The following SP110 variants were observed in gnomAD, a reference collection of about 807,000 sequenced individuals.
SP110 encodes SP110 nuclear body protein.
SP110 carries 62 observed loss-of-function variants against 92.7 expected under a neutral mutation model. The observed-to-expected ratio is 0.67, with a 90% CI of 0.55 to 0.83. SP110 has a LOEUF of 0.83. Ranked by LOEUF, SP110 falls within the 40% of genes least tolerant of loss-of-function variation. SP110 has a pLI of 0.00. For synonymous variants in SP110, 273 were observed against 305.3 expected (o/e 0.89, Z 1.10); for missense variants, 793 against 863.9 (o/e 0.92, Z 1.03).
chr2:230,222,603 G>C (rs1489171437), upstream of SP110, among the ~76,000 whole-genome samples: 1 of 151,756 alleles, frequency 6.6e-6, no homozygotes, highest in Non-Finnish European at 1.5e-5. Context: ...ATACACCTGT[G>C]GTCCCCGCTA....
At chr2:230,189,730 T>C (rs2042523135) in intron 10 of SP110, among the ~76,000 whole-genome samples, 2 of 152,128 alleles carry the variant, frequency 1.3e-5, no homozygotes, top group South Asian at 4.2e-4. Context: ...TGTGTGTTGT[T>C]CCCCTCTCTG....
intron 10 of SP110, among the ~76,000 whole-genome samples, chr2:230,198,838 T>C (rs1187993659): frequency 6.6e-6 from 1 of 152,140 alleles, no homozygotes; most frequent in Non-Finnish European, 1.5e-5. Flanking sequence ...CCTGAAGTGA[T>C]CCACCCACCT....
intron 14 of SP110, chr2:230,176,557 C>A: frequency 6.2e-7 from 1 of 1,605,626 alleles, no homozygotes; most frequent in Non-Finnish European, 8.5e-7. Context: ...TTTGAAGATG[C>A]CATGCCCAAA....
At chr2:230,206,582 T>C (rs2043832346) in intron 8 of SP110, among the ~76,000 whole-genome samples, 1 of 133,078 alleles carries the variant, frequency 7.5e-6, no homozygotes, top group Admixed American at 7.8e-5. Context: ...TTATATATTA[T>C]CTGGTCCAGA....
At position 230,170,774 on chromosome 2, in the gene SP110, G is replaced by T. The variant is rs1464348950; in HGVS notation, c.1888-13C>A. ...CGTAATCTCGAATCTTGGGGACAAA[G>T]CCACCAGAGGTGACGTTAGCACAGC... is the stretch of plus-strand genomic sequence containing the variant. On this transcript the variant is annotated splice_polypyrimidine_tract_variant and intron_variant, in intron 17 of 18. Transcript: ENST00000258381. 6.2e-7 allele frequency: 1 copy of T among 1,613,852 alleles called. No homozygotes were observed. The highest frequency in any genetic ancestry group is 8.5e-7 in the Non-Finnish European group (1 of 1,179,852).
At position 230,219,891 on chromosome 2, in the gene SP110, C is replaced by G; in HGVS notation, c.-19G>C. 1 of 984,480 alleles carries G rather than the reference C, an allele frequency of 1.0e-6. No homozygotes were observed. The highest frequency in any genetic ancestry group is 5.2e-4 in the Middle Eastern group (1 of 1,912). The allele number at this position is 984,480 out of a possible 1,614,324, so 61.0% of individuals were successfully genotyped here. On this transcript the variant is annotated 5_prime_UTR_variant, in exon 1 of 19. Coordinates refer to ENST00000258381, the MANE Select transcript of SP110 (RefSeq NM_080424.4). ...AAACTCACCTGGACTTTGAGTTTGT[C>G]GTTCCTGCCCCTTTCCAGGGGCTGG...
chr2:230,207,576 C>T (rs1268286827), intron 8 of SP110, among the ~76,000 whole-genome samples: 3 of 152,162 alleles, frequency 2.0e-5, no homozygotes, highest in Non-Finnish European at 2.9e-5. Flanking sequence ...TGCATCTTCC[C>T]TCAGCAATGG....
intron 8 of SP110, among the ~76,000 whole-genome samples, chr2:230,206,595 T>TTTCA (rs1317441117): frequency 1.4e-5 from 1 of 70,508 alleles, no homozygotes; most frequent in Non-Finnish European, 2.8e-5. Context: ...GGTCCAGATT[T>TTTCA]TATATATATA....
chr2:230,171,826 C>A (rs1345663004), intron 16 of SP110, 59 bp from the exon 17 acceptor site: 5 of 1,345,562 alleles, frequency 3.7e-6, no homozygotes, highest in South Asian at 1.2e-5. Context: ...TGAAGCCAGG[C>A]GAGTGTCTAG....
chr2:230,211,675 G>A lies in SP110; in HGVS notation c.668-122C>T. ...ACGGGGTAACAGCAACCAAGGCCTG[G>A]GAAAGGATGGCATAGAGTGGGAAAG... On this transcript the variant is annotated intron_variant, in intron 5 of 18. Coordinates refer to ENST00000258381, the MANE Select transcript of SP110 (RefSeq NM_080424.4). The surrounding 1 kb of genome is among the most constrained non-coding windows in gnomAD (Gnocchi z 4.2). 1 of 716,822 alleles carries A rather than the reference G, an allele frequency of 1.4e-6. No individual in the cohort carries two copies. The allele number at this position is 716,822 out of a possible 1,614,324, so 44.4% of individuals were successfully genotyped here. A position where few individuals can be genotyped will look rare whatever the true frequency, so the allele number is the denominator to read the frequency against.
intron 12 of SP110, among the ~76,000 whole-genome samples, chr2:230,181,120 T>C (rs866438252): frequency 6.6e-6 from 1 of 152,276 alleles, no homozygotes; most frequent in South Asian, 2.1e-4. Context: ...CTTTAAGGGG[T>C]GCTCTAATTC....
chr2:230,225,220 C>T (rs1272746470), intron 1 of SP110, among the ~76,000 whole-genome samples: 1 of 152,194 alleles, frequency 6.6e-6, no homozygotes, highest in Non-Finnish European at 1.5e-5. Context: ...AGAATTGCAC[C>T]TCATTTCTCT....
At chr2:230,215,477 T>C (rs2045033229) in intron 2 of SP110, among the ~76,000 whole-genome samples, 1 of 152,196 alleles carries the variant, frequency 6.6e-6, no homozygotes, top group Non-Finnish European at 1.5e-5. Context: ...GGCAGGATAC[T>C]TCAGCAATGG....
intron 10 of SP110, among the ~76,000 whole-genome samples, chr2:230,194,618 C>G (rs1184800936): frequency 6.6e-6 from 1 of 152,182 alleles, no homozygotes. Context: ...TAGACACATG[C>G]ATGCAGGCAT....
intron 10 of SP110, among the ~76,000 whole-genome samples, chr2:230,190,911 C>G (rs1429044088): frequency 6.6e-6 from 1 of 152,116 alleles, no homozygotes; most frequent in Middle Eastern, 3.2e-3. Flanking sequence ...GCTCCATGGT[C>G]TATATGTCTG....
upstream of SP110, among the ~76,000 whole-genome samples, chr2:230,220,972 A>G (rs1896260): frequency 0.024 from 3,718 of 152,080 alleles, 154 homozygotes; most frequent in African/African-American, 0.085. Flanking sequence ...TGATTGCACC[A>G]CTGCACTATA....
chr2:230,215,132 G>A lies in SP110; in HGVS notation c.148-14C>T, dbSNP rs371164893. On this transcript the variant is annotated splice_polypyrimidine_tract_variant and intron_variant, in intron 2 of 18. Coordinates refer to ENST00000258381, the MANE Select transcript of SP110 (RefSeq NM_080424.4). The stretch of plus-strand genomic sequence containing the variant: ...TTCCAGAGATTCCTATAAAAATGGA[G>A]TGAAGGTTTTTATAAATGACTATAA... 2 of 1,607,458 alleles carry A rather than the reference G, an allele frequency of 1.2e-6. No individual in the cohort carries two copies. Among genetic ancestry groups the A allele is most frequent in the Non-Finnish European group, 1.7e-6 (2 of 1,174,182 alleles).
At chr2:230,187,438 G>C (rs2042408385) in intron 10 of SP110, among the ~76,000 whole-genome samples, 1 of 152,064 alleles carries the variant, frequency 6.6e-6, no homozygotes. Context: ...CCATTCTGTG[G>C]GTTGTCTGTT....
Position 230,212,784 on chromosome 2 carries a change from A to G in SP110, c.560T>C (p.Ile187Thr), listed in dbSNP as rs1222660711. 1 of 1,614,092 alleles carries G rather than the reference A, an allele frequency of 6.2e-7. No individual in the cohort carries two copies. Among genetic ancestry groups the G allele is most frequent in the African/African-American group, 1.3e-5 (1 of 75,002 alleles). ...SDPVLPLPALIQEGRSTSVTN... is the reference protein window; with the variant it reads ...SDPVLPLPALTQEGRSTSVTN... ...ACCTGAAGTGCTTCTTCCTTCCTGG[A>G]TGAGTGCAGGGAGAGGCAGGACAGG... Residue 187 changes from isoleucine to threonine, a missense_variant, in exon 4 of 19, where the codon ATC (isoleucine) becomes ACC (threonine). Transcript: ENST00000258381.
Sources: gnomAD v4.1 joint callset for allele counts (sites outside exome capture counted in the v4.1 genomes callset) on GRCh38, gnomAD v4.1.1 for gene constraint, Gnocchi (gnomAD v3.1) non-coding constraint, MANE v1.5 for transcripts, NCBI Gene and HGNC (gene_info 2026-07-23, HGNC 2026-07-21) for gene names.